The following NCAM2 variants were observed in gnomAD, a reference collection of about 807,000 sequenced individuals.
NCAM2 encodes the protein N-CAM-2.
A neutral mutation model predicts 98.1 loss-of-function variants in NCAM2; 30 were observed. The observed-to-expected ratio is 0.31, with a 90% CI of 0.23 to 0.41. The LOEUF (loss-of-function observed/expected upper bound fraction) is 0.41, where lower values mean the gene tolerates loss of function less well. Among genes scored for constraint, NCAM2 ranks in the 10% least tolerant of loss-of-function variants. NCAM2 has a pLI of 1.00. For synonymous variants in NCAM2, 368 were observed against 342.4 expected, an observed-to-expected ratio of 1.07 and a Z score of -0.83; for missense variants, 867 against 1,005.8, an observed-to-expected ratio of 0.86 and a Z score of 1.87.
chr21:21,068,142 T>C (rs989349883), intron 1 of NCAM2, among the ~76,000 whole-genome samples: 125 of 144,798 alleles, frequency 8.6e-4, no homozygotes, highest in Middle Eastern at 3.5e-3. Context: ...TTTCTTTTTT[T>C]TTTTTTTTTT....
chr21:21,353,308 A>G (rs1306960356), intron 8 of NCAM2, among the ~76,000 whole-genome samples: 3 of 152,196 alleles, frequency 2.0e-5, no homozygotes, highest in South Asian at 2.1e-4. Context: ...GTTGTCAGAG[A>G]TTGTGCTTCC....
chr21:21,097,962 G>A lies in NCAM2; in HGVS notation c.55+99344G>A, dbSNP rs1028060035. On this transcript the variant is annotated intron_variant, in intron 1 of 17. Transcript: ENST00000400546. ...ATCAAGAGTAAAAATGTGAGTAAAT[G>A]ACAAGGCAGTGTTAAATCACTGTAG... 1.5e-4 allele frequency among the ~76,000 whole-genome samples: 22 copies of A among 145,906 alleles called. 4 individuals carry two copies. The highest frequency in any genetic ancestry group is 4.9e-4 in the African/African-American group (20 of 40,428).
At chr21:21,201,491 C>G (rs2069218396) in intron 1 of NCAM2, among the ~76,000 whole-genome samples, 2 of 152,190 alleles carry the variant, frequency 1.3e-5, no homozygotes, top group South Asian at 2.1e-4. Flanking sequence ...GAAATTCTGA[C>G]AAACTAAAGG....
chr21:21,236,557 C>T (rs991242829), intron 1 of NCAM2, among the ~76,000 whole-genome samples: 1 of 151,954 alleles, frequency 6.6e-6, no homozygotes, highest in South Asian at 2.1e-4. Flanking sequence ...AGAGTAGCTT[C>T]TTTTAAAATA....
chr21:21,417,814 C>A (rs929003223), intron 10 of NCAM2, among the ~76,000 whole-genome samples: 2 of 151,798 alleles, frequency 1.3e-5, no homozygotes, highest in Non-Finnish European at 2.9e-5. Flanking sequence ...TATTAGATAG[C>A]GAGAAAAAGT....
At chr21:21,505,581 GC>G (rs1569125930) in intron 15 of NCAM2, among the ~76,000 whole-genome samples, 1 of 151,764 alleles carries the variant, frequency 6.6e-6, no homozygotes, top group East Asian at 1.9e-4. Context: ...AAGCTAACTA[GC>G]CAAACCTGAA....
intron 10 of NCAM2, among the ~76,000 whole-genome samples, chr21:21,414,945 G>C (rs559577558): frequency 1.7e-5 from 2 of 117,502 alleles, no homozygotes; most frequent in East Asian, 5.0e-4. Context: ...AGTTTGAAGG[G>C]AATCTTTTTT....
intron 15 of NCAM2, among the ~76,000 whole-genome samples, chr21:21,504,115 A>G (rs1238065608): frequency 2.0e-5 from 3 of 151,924 alleles, no homozygotes; most frequent in African/African-American, 7.2e-5. Flanking sequence ...TATTTTATCC[A>G]TATCTTTTCA....
chr21:21,463,099 A>T (rs1023947430), intron 12 of NCAM2, among the ~76,000 whole-genome samples: 1 of 152,130 alleles, frequency 6.6e-6, no homozygotes, highest in Non-Finnish European at 1.5e-5. Flanking sequence ...GTACAACTCT[A>T]TTATTGAGTA....
intron 1 of NCAM2, among the ~76,000 whole-genome samples, chr21:21,073,482 A>G (rs905129252): frequency 6.6e-6 from 1 of 152,180 alleles, no homozygotes; most frequent in Non-Finnish European, 1.5e-5. Flanking sequence ...TAAAGTTTAA[A>G]CTTCACTGAA....
At chr21:21,240,592 C>T (rs146517186) in intron 1 of NCAM2, among the ~76,000 whole-genome samples, 285 of 152,234 alleles carry the variant, frequency 1.9e-3, no homozygotes, top group Non-Finnish European at 3.2e-3. Flanking sequence ...CTGGAGAAAT[C>T]CCCTAACTTC....
At chr21:21,221,323 T>A (rs1192443601) in intron 1 of NCAM2, among the ~76,000 whole-genome samples, 1 of 151,862 alleles carries the variant, frequency 6.6e-6, no homozygotes, top group Non-Finnish European at 1.5e-5. Context: ...GTCAAACAGG[T>A]CTCTCAATTT....
intron 1 of NCAM2, among the ~76,000 whole-genome samples, chr21:21,067,301 A>G (rs1294840408): frequency 1.3e-5 from 2 of 152,054 alleles, no homozygotes; most frequent in Non-Finnish European, 2.9e-5. Flanking sequence ...AATAAACTTC[A>G]TAAACAAGTA....
At chr21:21,281,223 C>T (rs1041545722) in intron 2 of NCAM2, among the ~76,000 whole-genome samples, 1 of 152,074 alleles carries the variant, frequency 6.6e-6, no homozygotes, top group Non-Finnish European at 1.5e-5. Flanking sequence ...ATACCTTATG[C>T]TTGCATTATA....
intron 1 of NCAM2, among the ~76,000 whole-genome samples, chr21:21,001,033 A>G (rs577674399): frequency 1.5e-4 from 23 of 152,332 alleles, no homozygotes; most frequent in African/African-American, 5.1e-4. Context: ...GTCCAACAGT[A>G]TACTTGCAGG....
At chr21:21,223,572 T>C (rs1441213967) in intron 1 of NCAM2, 1 of 152,078 alleles carries the variant, frequency 6.6e-6, no homozygotes, top group East Asian at 1.9e-4. Flanking sequence ...AGAGTGCCAG[T>C]ATTAGATTTT....
chr21:21,256,822 G>T lies in NCAM2; in HGVS notation c.56-23756G>T, dbSNP rs546549434. ...CTCCTGTGATCATCATCCAGAGGAAGTTTCATATACGCTGGAAATCCAGTT... is the reference window on the plus strand; with the variant it reads ...CTCCTGTGATCATCATCCAGAGGAATTTTCATATACGCTGGAAATCCAGTT... On this transcript the variant is annotated intron_variant, in intron 1 of 17. Coordinates refer to ENST00000400546, the MANE Select transcript of NCAM2 (RefSeq NM_004540.5). Among the ~76,000 whole-genome samples, 5 of 152,288 alleles carry T rather than the reference G, an allele frequency of 3.3e-5. No homozygotes were observed. In the East Asian group the frequency reaches 9.7e-4, roughly 29 times the overall value.
chr21:21,093,033 AC>A (rs5842885), intron 1 of NCAM2, among the ~76,000 whole-genome samples: 152,086 of 152,086 alleles, frequency 1, 76,043 homozygotes, highest in Non-Finnish European at 1. Flanking sequence ...CTTTCGTCAA[AC>A]CCCAAAGAGA....
chr21:21,107,033 C>T (rs993185029), intron 1 of NCAM2, among the ~76,000 whole-genome samples: 1 of 151,998 alleles, frequency 6.6e-6, no homozygotes, highest in Non-Finnish European at 1.5e-5. Context: ...GACCAAAGAT[C>T]AAATCTAAAA....
Sources: allele counts gnomAD v4.1 joint callset (sites outside exome capture counted in the v4.1 genomes callset), GRCh38; gene constraint gnomAD v4.1.1; transcripts MANE v1.5; gene names NCBI Gene and HGNC (gene_info 2026-07-23, HGNC 2026-07-21).